Variants in OSBPL8 observed in about 807,000 individuals in gnomAD.
OSBPL8 encodes the protein oxysterol-binding protein-related protein 8.
A neutral mutation model predicts 125.5 loss-of-function variants in OSBPL8; 59 were observed. The observed-to-expected ratio is 0.47, with a 90% CI of 0.38 to 0.58. The LOEUF is 0.58. OSBPL8 is among the 20% of genes least tolerant of loss of function. The probability of loss-of-function intolerance (pLI) is 0.00; values close to 1 mark genes in which losing one functional copy is unlikely to be tolerated. For missense variants in OSBPL8, 758 were observed against 1,047.8 expected (o/e 0.72, Z 3.82); for synonymous variants, 330 against 338.9 (o/e 0.97, Z 0.29).
chr12:76,448,734 G>A (rs577295982), intron 4 of OSBPL8, among the ~76,000 whole-genome samples: 2 of 152,260 alleles, frequency 1.3e-5, no homozygotes, highest in South Asian at 4.1e-4. Context: ...TAAAGTAGAG[G>A]ATGGGTGCGG....
At chr12:76,445,735 C>T (rs1872660189) in intron 4 of OSBPL8, among the ~76,000 whole-genome samples, 2 of 152,172 alleles carry the variant, frequency 1.3e-5, no homozygotes, top group South Asian at 4.1e-4. Context: ...GGACAGCTCA[C>T]ACACTGCCTA....
intron 21 of OSBPL8, among the ~76,000 whole-genome samples, chr12:76,368,656 T>G (rs1329065810): frequency 6.6e-6 from 1 of 152,150 alleles, no homozygotes; most frequent in Non-Finnish European, 1.5e-5. Flanking sequence ...TCCTGTCTTA[T>G]GCTTGCTTAT....
At chr12:76,547,429 AAAC>A (rs1439507273) in intron 1 of OSBPL8, among the ~76,000 whole-genome samples, 1 of 152,218 alleles carries the variant, frequency 6.6e-6, no homozygotes, top group African/African-American at 2.4e-5. Context: ...AAAAAATACA[AAAC>A]AATAAAAAAG....
At chr12:76,386,447 C>T (rs1270467778) in intron 13 of OSBPL8, 132 bp downstream of exon 13, 1 of 1,285,734 alleles carries the variant, frequency 7.8e-7, no homozygotes, top group Non-Finnish European at 1.0e-6. Context: ...TCTAAATGAT[C>T]AGGTATTTTG....
chr12:76,517,249 G>A (rs1299376054), intron 1 of OSBPL8, among the ~76,000 whole-genome samples: 1 of 152,100 alleles, frequency 6.6e-6, no homozygotes, highest in Non-Finnish European at 1.5e-5. Context: ...TCATTCTATA[G>A]CAAAAATAAA....
chr12:76,361,585 A>C (rs961653514), intron 21 of OSBPL8, among the ~76,000 whole-genome samples: 2 of 152,208 alleles, frequency 1.3e-5, no homozygotes, highest in African/African-American at 4.8e-5. Context: ...GCTGCTGATA[A>C]AGACATACCC....
Position 76,380,528 on chromosome 12 carries a change from C to CCAAAA in OSBPL8, c.1631-1979_1631-1978insTTTTG, listed in dbSNP as rs377289312. Among the ~76,000 whole-genome samples the CCAAAA allele has an allele frequency of 5.6e-5, 5 of 89,266 alleles. No homozygotes were observed. In the East Asian group the frequency reaches 1.3e-3, roughly 22 times the overall value. The allele number at this position is 89,266 out of a possible 152,430, so 58.6% of individuals were successfully genotyped here. A position where few individuals can be genotyped will look rare whatever the true frequency, so the allele number is the denominator to read the frequency against. ...CCAGCAACATAGTGAGACACTGTCC[C>CCAAAA]AAAAAAAAAAAAAAAAAAACCCTCT... On this transcript the variant is annotated intron_variant, in intron 15 of 23. Transcript: ENST00000261183.
chr12:76,429,654 CAAT>C (rs1401683702), intron 4 of OSBPL8, among the ~76,000 whole-genome samples: 1 of 152,010 alleles, frequency 6.6e-6, no homozygotes, highest in Admixed American at 6.6e-5. Flanking sequence ...TGTATGTTCT[CAAT>C]AAATTCAAAC....
Position 76,394,729 on chromosome 12 carries a change from C to A in OSBPL8, c.673G>T (p.Gly225Cys). 1 of 1,605,834 alleles carries A rather than the reference C, an allele frequency of 6.2e-7. No homozygotes were observed. The highest frequency in any genetic ancestry group is 8.5e-7 in the Non-Finnish European group (1 of 1,176,434). The change falls in exon 9 of 24, where the codon GGT becomes TGT. Residue 225 changes from glycine (G) to cysteine (C), a missense_variant and splice_region_variant. Gly to Cys is a radical substitution (Grantham distance 159). Transcript: ENST00000261183. ...GATCCAACCGCTTCACCTTTTGGAC[C>A]CTTAATAACAAAATAAACAAAATAA... ...PLEQSIWAVK[G>C]PKGEAVGSIT...
rs1951890330 is a variant in OSBPL8 at position 76,353,509 on chromosome 12, C to G, written c.*2380G>C. On this transcript the variant is annotated 3_prime_UTR_variant, in exon 24 of 24. Coordinates refer to ENST00000261183, the MANE Select transcript of OSBPL8 (RefSeq NM_020841.5). ...TAGAAACCCTCATGAGGCTCTCAGA[C>G]AACTGGGAACCGTTTACGGTCCATG... The G allele has an allele frequency of 6.6e-6, 1 of 151,990 alleles. No homozygotes were observed. Among genetic ancestry groups the G allele is most frequent in the Non-Finnish European group, 1.5e-5 (1 of 67,814 alleles). The allele number at this position is 151,990 out of a possible 1,614,324, so 9.4% of individuals were successfully genotyped here. A position where few individuals can be genotyped will look rare whatever the true frequency, so the allele number is the denominator to read the frequency against.
At chr12:76,554,353 G>A (rs892972278) in intron 1 of OSBPL8, among the ~76,000 whole-genome samples, 5 of 152,136 alleles carry the variant, frequency 3.3e-5, no homozygotes, top group Non-Finnish European at 7.4e-5. Context: ...GTATCAAGAG[G>A]AGCAACTGCA....
At chr12:76,488,757 G>A (rs138781933) in intron 1 of OSBPL8, among the ~76,000 whole-genome samples, 1 of 152,092 alleles carries the variant, frequency 6.6e-6, no homozygotes, top group East Asian at 1.9e-4. Context: ...TATTCCATCA[G>A]TCACAATAAT....
intron 4 of OSBPL8, among the ~76,000 whole-genome samples, chr12:76,432,481 T>C (rs1464034156): frequency 3.3e-5 from 5 of 152,250 alleles, no homozygotes; most frequent in African/African-American, 9.6e-5. Context: ...CCTGGGACGT[T>C]GAAACAGAAA....
At chr12:76,403,147 C>A (rs962432784) in intron 5 of OSBPL8, among the ~76,000 whole-genome samples, 2 of 152,138 alleles carry the variant, frequency 1.3e-5, no homozygotes, top group Non-Finnish European at 2.9e-5. Flanking sequence ...GACACAAATT[C>A]TAACAAGCTG....
intron 11 of OSBPL8, chr12:76,390,067 C>T (rs1953494113): frequency 2.5e-6 from 1 of 402,288 alleles, no homozygotes; most frequent in African/African-American, 2.1e-5. Context: ...AATATTATAG[C>T]CTATTATTTT....
At chr12:76,446,693 ATAT>A (rs1017087226) in intron 4 of OSBPL8, among the ~76,000 whole-genome samples, 6 of 152,108 alleles carry the variant, frequency 3.9e-5, no homozygotes, top group Non-Finnish European at 8.8e-5. Flanking sequence ...AATGATAATA[ATAT>A]TATTATATCA....
chr12:76,426,535 G>A (rs562336512), intron 4 of OSBPL8, among the ~76,000 whole-genome samples: 5 of 152,112 alleles, frequency 3.3e-5, no homozygotes, highest in Non-Finnish European at 5.9e-5. Flanking sequence ...CCTGGAGCAC[G>A]TAGAAGGCAT....
chr12:76,422,177 T>C (rs1869565774), intron 4 of OSBPL8, among the ~76,000 whole-genome samples: 2 of 152,092 alleles, frequency 1.3e-5, no homozygotes, highest in Non-Finnish European at 2.9e-5. Context: ...CTCAGAGCAA[T>C]GTGTTTATTT....
At chr12:76,413,406 ATTATCAGACACTTGGATTGTTCC>A (rs1287029428) in intron 4 of OSBPL8, among the ~76,000 whole-genome samples, 1 of 152,174 alleles carries the variant, frequency 6.6e-6, no homozygotes, top group Non-Finnish European at 1.5e-5. Flanking sequence ...CCATTCCACC[ATTATCAGACACTTGGATTGTTCC>A]TAATTTTCCC....
Sources: gnomAD v4.1 joint callset for allele counts (sites outside exome capture counted in the v4.1 genomes callset) on GRCh38, gnomAD v4.1.1 for gene constraint, MANE v1.5 for transcripts, NCBI Gene and HGNC (gene_info 2026-07-23, HGNC 2026-07-21) for gene names.